Variants in NTM observed in about 807,000 individuals in gnomAD.
NTM encodes IgLON family member 2.
Under a neutral mutation model 42.1 loss-of-function variants are expected in NTM, and 13 were observed. That is an observed-to-expected ratio of 0.31 (90% CI 0.20 to 0.49). The LOEUF is 0.49. NTM is among the 20% of genes least tolerant of loss of function. The pLI is 0.99. For missense variants in NTM, 373 were observed against 452.8 expected (o/e 0.82, Z 1.60); for synonymous variants, 187 against 179.2 (o/e 1.04, Z -0.35).
At chr11:132,242,657 G>A (rs1041950102) in intron 4 of NTM, among the ~76,000 whole-genome samples, 6 of 152,196 alleles carry the variant, frequency 3.9e-5, no homozygotes, top group African/African-American at 1.4e-4. Context: ...TAAAGCAAGA[G>A]CAGCCACAAA....
chr11:131,719,329 T>G (rs1020219784), intron 1 of NTM, among the ~76,000 whole-genome samples: 1 of 152,208 alleles, frequency 6.6e-6, no homozygotes, highest in African/African-American at 2.4e-5. Flanking sequence ...TTCTTGAATA[T>G]ATAAGAAATT....
intron 1 of NTM, among the ~76,000 whole-genome samples, chr11:131,723,344 CA>C (rs2135416455): frequency 6.6e-6 from 1 of 152,356 alleles, no homozygotes; most frequent in African/African-American, 2.4e-5. Context: ...TCAGTTACTA[CA>C]GATCCTCTTC....
chr11:131,570,225 C>A (rs2057322702), intron 1 of NTM, among the ~76,000 whole-genome samples: 1 of 152,176 alleles, frequency 6.6e-6, no homozygotes. Context: ...TCATTCAGTT[C>A]ATGGGAATCA....
chr11:132,047,589 A>C (rs1328872611), intron 2 of NTM, among the ~76,000 whole-genome samples: 2 of 152,248 alleles, frequency 1.3e-5, no homozygotes, highest in East Asian at 3.8e-4. Flanking sequence ...CAGGGGAGTC[A>C]GCTAGAGCCT....
chr11:131,718,469 C>T (rs776124747), intron 1 of NTM, among the ~76,000 whole-genome samples: 1 of 152,146 alleles, frequency 6.6e-6, no homozygotes, highest in African/African-American at 2.4e-5. Context: ...GATACTCATG[C>T]GTACCCAATT....
At chr11:132,334,266 G>A (rs1284401936) in intron 8 of NTM, among the ~76,000 whole-genome samples, 1 of 152,200 alleles carries the variant, frequency 6.6e-6, no homozygotes, top group African/African-American at 2.4e-5. Flanking sequence ...CAGTTCTCCT[G>A]CCTCCTGTGT....
intron 2 of NTM, among the ~76,000 whole-genome samples, chr11:132,037,926 C>T (rs979540411): frequency 2.0e-5 from 3 of 152,192 alleles, no homozygotes; most frequent in Non-Finnish European, 2.9e-5. Flanking sequence ...ACTCCATGTC[C>T]GTGCACACAA....
chr11:132,284,544 T>C (rs1444015975), intron 4 of NTM, among the ~76,000 whole-genome samples: 1 of 151,976 alleles, frequency 6.6e-6, no homozygotes, highest in African/African-American at 2.4e-5. Flanking sequence ...TGCTTCCAAA[T>C]GCCCCCACAC....
intron 2 of NTM, among the ~76,000 whole-genome samples, chr11:132,136,801 G>T (rs758969300): frequency 1.3e-5 from 2 of 152,164 alleles, no homozygotes; most frequent in Admixed American, 1.3e-4. Flanking sequence ...CTAGAGGCAG[G>T]ATCCAGGTCG....
intron 1 of NTM, among the ~76,000 whole-genome samples, chr11:131,697,139 C>T (rs1445085912): frequency 1.3e-5 from 2 of 152,278 alleles, no homozygotes; most frequent in South Asian, 2.1e-4. Flanking sequence ...TCTCAGATTT[C>T]CTTTCAAGAT....
intron 1 of NTM, among the ~76,000 whole-genome samples, chr11:131,884,725 C>T (rs2050110824): frequency 6.6e-6 from 1 of 152,170 alleles, no homozygotes; most frequent in Non-Finnish European, 1.5e-5. Context: ...AAGAGGCTCG[C>T]CATCCTATCT....
intron 1 of NTM, among the ~76,000 whole-genome samples, chr11:131,392,730 G>A (rs1944164731): frequency 6.6e-6 from 1 of 152,286 alleles, no homozygotes; most frequent in Admixed American, 6.5e-5. Context: ...CCACCCAGTG[G>A]CAGAATCTAC....
At chr11:131,996,867 T>C (rs988641479) in intron 2 of NTM, among the ~76,000 whole-genome samples, 1 of 152,160 alleles carries the variant, frequency 6.6e-6, no homozygotes, top group Non-Finnish European at 1.5e-5. Context: ...TCTCCTTCCT[T>C]GCTCTGCCAC....
chr11:132,049,226 C>T (rs985309505), intron 2 of NTM, among the ~76,000 whole-genome samples: 16 of 152,116 alleles, frequency 1.1e-4, no homozygotes, highest in African/African-American at 3.9e-4. Context: ...CTGAAAACAG[C>T]AACAACAAGA....
chr11:132,051,726 C>T (rs1382777710), intron 2 of NTM, among the ~76,000 whole-genome samples: 1 of 152,164 alleles, frequency 6.6e-6, no homozygotes, highest in Non-Finnish European at 1.5e-5. Flanking sequence ...TAAGCCCTGG[C>T]CACTCCTCAC....
At chr11:131,728,822 G>GCAAGTAAGTA (rs1184181201) in intron 1 of NTM, among the ~76,000 whole-genome samples, 1 of 152,134 alleles carries the variant, frequency 6.6e-6, no homozygotes, top group East Asian at 1.9e-4. Flanking sequence ...GGTCTTACAG[G>GCAAGTAAGTA]TGACAAGTCC....
rs377739708 is a variant in NTM, at chr11:131,432,839, C to CTTTTTTTTTTTTTTTTT, written c.82+61967_82+61983dup. 8.3e-4 allele frequency among the ~76,000 whole-genome samples: 57 copies of CTTTTTTTTTTTTTTTTT among 68,706 alleles called. 1 individual carries two copies. Among genetic ancestry groups the CTTTTTTTTTTTTTTTTT allele is most frequent in the Non-Finnish European group, 1.1e-3 (43 of 38,814 alleles). 45.1% of individuals were successfully genotyped at this position (68,706 alleles called of 152,430 possible). On this transcript the variant is annotated intron_variant, in intron 1 of 8. Coordinates refer to ENST00000683400, the MANE Select transcript of NTM (RefSeq NM_001352005.2). ...CTACAAAAGATGAAGATTTAGCATT[C>CTTTTTTTTTTTTTTTTT]TTTTTTTTTTTTTTTTTTTTTTTTT... is the stretch of plus-strand genomic sequence containing the variant.
At chr11:131,545,120 C>A (rs896370565) in intron 1 of NTM, among the ~76,000 whole-genome samples, 3 of 152,088 alleles carry the variant, frequency 2.0e-5, no homozygotes, top group Non-Finnish European at 4.4e-5. Flanking sequence ...CCCACTGGAA[C>A]CCATTCTCTG....
intron 2 of NTM, among the ~76,000 whole-genome samples, chr11:132,134,716 T>TAG (rs1566259352): frequency 2.6e-5 from 1 of 38,752 alleles, no homozygotes; most frequent in African/African-American, 2.7e-4. Context: ...TATATATATA[T>TAG]ATATATATAT....
Sources: gnomAD v4.1 joint callset for allele counts (sites outside exome capture counted in the v4.1 genomes callset) on GRCh38, gnomAD v4.1.1 for gene constraint, MANE v1.5 for transcripts, NCBI Gene and HGNC (gene_info 2026-07-23, HGNC 2026-07-21) for gene names.